The following CDH13 variants were observed in gnomAD, a reference collection of about 807,000 sequenced individuals.
The protein encoded by CDH13 is cadherin 13, also known as cadherin-13.
Under a neutral mutation model 63.8 loss-of-function variants are expected in CDH13, and 24 were observed. The observed-to-expected ratio is 0.38, with a 90% CI of 0.27 to 0.53. The LOEUF (loss-of-function observed/expected upper bound fraction) is 0.53, where lower values mean the gene tolerates loss of function less well. CDH13 is among the 20% of genes least tolerant of loss of function. CDH13 has a pLI of 0.85. For missense variants in CDH13, 1,049 were observed against 903.1 expected (o/e 1.16, Z -2.07); for synonymous variants, 503 against 355.3 (o/e 1.42, Z -4.67).
intron 1 of CDH13, among the ~76,000 whole-genome samples, chr16:82,726,910 CAGAG>C (rs1356964886): frequency 6.6e-6 from 1 of 152,118 alleles, no homozygotes; most frequent in African/African-American, 2.4e-5. Context: ...TGTCTGAGGC[CAGAG>C]TTAGACCATG....
At chr16:82,881,107 ATTG>A (rs772168453) in intron 2 of CDH13, among the ~76,000 whole-genome samples, 1 of 151,832 alleles carries the variant, frequency 6.6e-6, no homozygotes, top group South Asian at 2.1e-4. Context: ...TTTTTTCTTT[ATTG>A]TTGTGTAATA....
chr16:83,662,272 A>T (rs1184734690), intron 8 of CDH13, among the ~76,000 whole-genome samples: 1 of 152,120 alleles, frequency 6.6e-6, no homozygotes, highest in African/African-American at 2.4e-5. Flanking sequence ...AAGACTCTGG[A>T]TGTTTAGTAG....
intron 1 of CDH13, among the ~76,000 whole-genome samples, chr16:82,779,972 C>CT (rs1480872505): frequency 6.6e-6 from 1 of 152,134 alleles, no homozygotes; most frequent in Non-Finnish European, 1.5e-5. Context: ...GACAGGCGCA[C>CT]TTTAGGGGAT....
chr16:83,669,224 G>T (rs537823775), intron 8 of CDH13, among the ~76,000 whole-genome samples: 2 of 152,178 alleles, frequency 1.3e-5, no homozygotes, highest in South Asian at 4.2e-4. Flanking sequence ...GAGGACCCCG[G>T]GCAGTTTCTC....
intron 6 of CDH13, among the ~76,000 whole-genome samples, chr16:83,348,972 G>A (rs780071135): frequency 6.7e-4 from 102 of 152,254 alleles, no homozygotes; most frequent in Non-Finnish European, 1.1e-3. Flanking sequence ...AGCAAACCAC[G>A]CGTCATTTTC....
intron 5 of CDH13, among the ~76,000 whole-genome samples, chr16:83,280,756 C>T (rs944896991): frequency 1.3e-5 from 2 of 152,168 alleles, no homozygotes; most frequent in African/African-American, 4.8e-5. Context: ...ACTCCTTGAT[C>T]CATGAGTTGA....
intron 2 of CDH13, among the ~76,000 whole-genome samples, chr16:82,955,781 C>G (rs1016903573): frequency 1.3e-5 from 2 of 152,172 alleles, no homozygotes; most frequent in African/African-American, 2.4e-5. Flanking sequence ...TCCGATTATT[C>G]ACCCTGAATC....
chr16:83,309,611 G>T (rs180807523), intron 5 of CDH13, among the ~76,000 whole-genome samples: 2 of 152,214 alleles, frequency 1.3e-5, no homozygotes, highest in Non-Finnish European at 2.9e-5. Context: ...TCCTGACCTC[G>T]TGATCCACCC....
chr16:83,300,305 G>A (rs1407702818), intron 5 of CDH13, among the ~76,000 whole-genome samples: 1 of 152,200 alleles, frequency 6.6e-6, no homozygotes, highest in African/African-American at 2.4e-5. Flanking sequence ...CTTTTAAGTT[G>A]AGTGACATGA....
chr16:83,526,145 G>A (rs1028282095), intron 7 of CDH13, among the ~76,000 whole-genome samples: 1 of 152,218 alleles, frequency 6.6e-6, no homozygotes, highest in South Asian at 2.1e-4. Flanking sequence ...ACCAGGAAAT[G>A]CTGCAGCCAC....
intron 5 of CDH13, among the ~76,000 whole-genome samples, chr16:83,324,470 C>G (rs936775535): frequency 2.0e-5 from 3 of 152,186 alleles, no homozygotes; most frequent in African/African-American, 7.2e-5. Context: ...TGTGTCTGTT[C>G]TAAACTTTTT....
chr16:83,467,400 C>G (rs967470494), intron 6 of CDH13, among the ~76,000 whole-genome samples: 3 of 152,130 alleles, frequency 2.0e-5, no homozygotes, highest in Non-Finnish European at 4.4e-5. Flanking sequence ...ACACATTCAT[C>G]TTCCCCAGCC....
chr16:83,286,851 C>G (rs187618260), intron 5 of CDH13, among the ~76,000 whole-genome samples: 1 of 150,836 alleles, frequency 6.6e-6, no homozygotes, highest in East Asian at 1.9e-4. Context: ...TAGATATATA[C>G]CTCATATTCT....
intron 1 of CDH13, among the ~76,000 whole-genome samples, chr16:82,653,885 G>C (rs908125333): frequency 6.6e-6 from 1 of 152,092 alleles, no homozygotes; most frequent in Admixed American, 6.5e-5. Flanking sequence ...AAGGCCCTGA[G>C]AGAGAAGAGA....
intron 4 of CDH13, among the ~76,000 whole-genome samples, chr16:83,194,029 A>G (rs1169426268): frequency 1.3e-5 from 2 of 152,198 alleles, no homozygotes; most frequent in African/African-American, 2.4e-5. Context: ...CCACCCACAC[A>G]CAGGATGCTT....
intron 2 of CDH13, among the ~76,000 whole-genome samples, chr16:82,862,537 C>A (rs2039984346): frequency 1.4e-5 from 2 of 146,130 alleles, no homozygotes; most frequent in Non-Finnish European, 3.0e-5. Context: ...TCATTGGCCA[C>A]ATAGCCACCA....
chr16:83,542,768 T>C (rs1377745778), intron 7 of CDH13, among the ~76,000 whole-genome samples: 2 of 152,202 alleles, frequency 1.3e-5, no homozygotes, highest in East Asian at 1.9e-4. Context: ...CTTCACATTG[T>C]TTTCCTTGTC....
intron 10 of CDH13, among the ~76,000 whole-genome samples, chr16:83,724,999 C>A (rs548848280): frequency 6.6e-6 from 1 of 152,296 alleles, no homozygotes; most frequent in East Asian, 1.9e-4. Context: ...TATACAGTCA[C>A]CACGACACAT....
At chr16:83,790,693 A>G (rs60003031) in intron 13 of CDH13, among the ~76,000 whole-genome samples, 31,520 of 152,090 alleles carry the variant, frequency 0.21, 3,632 homozygotes, top group Non-Finnish European at 0.26. Context: ...GTGAGCCACC[A>G]TGCCTGGCCC....
Sources: gnomAD v4.1 joint callset for allele counts (sites outside exome capture counted in the v4.1 genomes callset) on GRCh38, gnomAD v4.1.1 for gene constraint, MANE v1.5 for transcripts, NCBI Gene and HGNC (gene_info 2026-07-23, HGNC 2026-07-21) for gene names.